The following CSMD1 variants were observed in gnomAD, a reference collection of about 807,000 sequenced individuals.
CSMD1 encodes the protein CUB and Sushi multiple domains 1, also known as CUB and sushi domain-containing protein 1.
CSMD1 carries 213 observed loss-of-function variants against 417.5 expected under a neutral mutation model. The observed-to-expected ratio is 0.51, with a 90% CI of 0.46 to 0.57. The LOEUF is 0.57. Ranked by LOEUF, CSMD1 falls within the 20% of genes least tolerant of loss-of-function variation. The pLI is 0.00. For missense variants in CSMD1, 6,923 were observed against 4,529.7 expected, an observed-to-expected ratio of 1.53 and a Z score of -15.17; for synonymous variants, 2,862 against 1,736.8, an observed-to-expected ratio of 1.65 and a Z score of -16.11.
intron 36 of CSMD1, 105 bp from the exon 37 acceptor site, chr8:3,181,319 T>C: frequency 1.4e-6 from 1 of 730,148 alleles, no homozygotes; most frequent in Non-Finnish European, 2.3e-6. Flanking sequence ...CCCTACAGTT[T>C]GTCTGATTAC....
At chr8:3,172,899 G>C (rs947662479) in intron 37 of CSMD1, among the ~76,000 whole-genome samples, 6 of 152,316 alleles carry the variant, frequency 3.9e-5, no homozygotes, top group African/African-American at 1.4e-4. Flanking sequence ...ATGATTTTCT[G>C]AAGCAATAAG....
chr8:3,644,966 GAAAAAAAAAA>G lies in CSMD1; in HGVS notation c.1010-28179_1010-28170del, dbSNP rs71203456. On this transcript the variant is annotated intron_variant, in intron 7 of 69. Coordinates refer to ENST00000635120, the MANE Select transcript of CSMD1 (RefSeq NM_033225.6). ...GTTACGGATCACTAAGGCTTTAAAT[GAAAAAAAAAA>G]AAAAAAAAAAAAAAAGTCAATTGTT... 7.7e-4 allele frequency among the ~76,000 whole-genome samples: 50 copies of G among 64,544 alleles called. 1 individual carries two copies. Among genetic ancestry groups the G allele is most frequent in the African/African-American group, 3.0e-3 (38 of 12,494 alleles). The allele number at this position is 64,544 out of a possible 152,430, so 42.3% of individuals were successfully genotyped here. A position where few individuals can be genotyped will look rare whatever the true frequency, so the allele number is the denominator to read the frequency against.
At chr8:4,368,771 T>C (rs1802236494) in intron 3 of CSMD1, among the ~76,000 whole-genome samples, 1 of 152,166 alleles carries the variant, frequency 6.6e-6, no homozygotes, top group African/African-American at 2.4e-5. Context: ...CATAATACTC[T>C]CAGGATTTTT....
In CSMD1 at chr8:4,521,053, A is replaced by G. The variant is rs188071227; in HGVS notation, c.303-100988T>C. 9.0e-4 allele frequency among the ~76,000 whole-genome samples: 137 copies of G among 152,302 alleles called. 1 individual carries two copies. Among genetic ancestry groups the G allele is most frequent in the African/African-American group, 3.1e-3 (128 of 41,572 alleles). On this transcript the variant is annotated intron_variant, in intron 2 of 69. Coordinates refer to ENST00000635120, the MANE Select transcript of CSMD1 (RefSeq NM_033225.6). ...CATATAAAATTACTTACAGTCAGAA[A>G]ATTTATGAAAGATATTAAAGAGTTC...
At chr8:4,516,621 C>T (rs1248747317) in intron 2 of CSMD1, among the ~76,000 whole-genome samples, 1 of 152,136 alleles carries the variant, frequency 6.6e-6, no homozygotes, top group African/African-American at 2.4e-5. Flanking sequence ...GCAAGCATCG[C>T]CTGATAAAAC....
At chr8:3,630,809 G>A (rs9644277) in intron 7 of CSMD1, among the ~76,000 whole-genome samples, 1 of 152,166 alleles carries the variant, frequency 6.6e-6, no homozygotes, top group Admixed American at 6.5e-5. Flanking sequence ...CGATTTGGAA[G>A]GTCAAGAGTT....
chr8:4,556,294 T>C (rs1585244699), intron 2 of CSMD1, among the ~76,000 whole-genome samples: 1 of 152,364 alleles, frequency 6.6e-6, no homozygotes. Flanking sequence ...ACCATTTTCA[T>C]AAATTTTAAT....
chr8:4,635,300 T>C (rs1332495453), intron 2 of CSMD1, among the ~76,000 whole-genome samples: 1 of 152,156 alleles, frequency 6.6e-6, no homozygotes, highest in Non-Finnish European at 1.5e-5. Flanking sequence ...CAAAATGAAA[T>C]ATGTTTCTAA....
intron 3 of CSMD1, among the ~76,000 whole-genome samples, chr8:4,053,812 C>T (rs920422470): frequency 1.3e-5 from 2 of 152,122 alleles, no homozygotes; most frequent in South Asian, 2.1e-4. Context: ...ATGCCTAAAG[C>T]TTTACAAAAA....
At chr8:4,758,496 T>C (rs1401836009) in intron 1 of CSMD1, among the ~76,000 whole-genome samples, 1 of 152,172 alleles carries the variant, frequency 6.6e-6, no homozygotes, top group Non-Finnish European at 1.5e-5. Flanking sequence ...CCCTTTGGAC[T>C]GTGCTGGTCA....
intron 25 of CSMD1, among the ~76,000 whole-genome samples, chr8:3,302,506 T>G (rs931172962): frequency 6.6e-6 from 1 of 152,232 alleles, no homozygotes; most frequent in Non-Finnish European, 1.5e-5. Flanking sequence ...CACTTCTCAT[T>G]TCTTCCCTGC....
chr8:3,237,949 A>G (rs1025114029), intron 26 of CSMD1, among the ~76,000 whole-genome samples: 9 of 147,770 alleles, frequency 6.1e-5, no homozygotes, highest in Non-Finnish European at 1.0e-4. Flanking sequence ...TATATATTAT[A>G]TATTTATTTT....
At chr8:3,368,064 C>A (rs1480021045) in intron 19 of CSMD1, among the ~76,000 whole-genome samples, 1 of 152,104 alleles carries the variant, frequency 6.6e-6, no homozygotes, top group Non-Finnish European at 1.5e-5. Context: ...TTCTGGATTC[C>A]TATAGTGAAA....
intron 36 of CSMD1, among the ~76,000 whole-genome samples, chr8:3,183,793 C>G (rs139658240): frequency 3.8e-4 from 58 of 152,328 alleles, no homozygotes; most frequent in African/African-American, 1.3e-3. Flanking sequence ...TCAGTCATCA[C>G]GCCTTAACTG....
At chr8:4,462,790 C>T (rs1385780346) in intron 2 of CSMD1, among the ~76,000 whole-genome samples, 1 of 150,144 alleles carries the variant, frequency 6.7e-6, no homozygotes, top group Non-Finnish European at 1.5e-5. Flanking sequence ...CAAGAGGGTA[C>T]CCCTTCCTTA....
chr8:4,324,942 G>A (rs1051271825), intron 3 of CSMD1, among the ~76,000 whole-genome samples: 1 of 152,094 alleles, frequency 6.6e-6, no homozygotes, highest in Non-Finnish European at 1.5e-5. Context: ...CGGGAAGGAG[G>A]CAATTGTATT....
At chr8:4,011,462 G>T (rs528554318) in intron 4 of CSMD1, among the ~76,000 whole-genome samples, 1 of 152,008 alleles carries the variant, frequency 6.6e-6, no homozygotes. Flanking sequence ...CCACATTTGC[G>T]GTCTTTAACC....
At chr8:2,993,074 T>C (rs931644036) in intron 54 of CSMD1, among the ~76,000 whole-genome samples, 3 of 152,322 alleles carry the variant, frequency 2.0e-5, no homozygotes, top group South Asian at 2.1e-4. Context: ...AAAGAAAGGA[T>C]TGTCCAATAT....
intron 1 of CSMD1, among the ~76,000 whole-genome samples, chr8:4,967,964 G>A (rs1283802917): frequency 6.6e-6 from 1 of 151,998 alleles, no homozygotes; most frequent in Admixed American, 6.6e-5. Flanking sequence ...TCTAAATAAA[G>A]ACGATAGGTA....
Sources: allele counts gnomAD v4.1 joint callset (sites outside exome capture counted in the v4.1 genomes callset), GRCh38; gene constraint gnomAD v4.1.1; transcripts MANE v1.5; gene names NCBI Gene and HGNC (gene_info 2026-07-23, HGNC 2026-07-21).